Variants in ZCWPW2 observed in about 807,000 individuals in gnomAD.
ZCWPW2 encodes the protein zinc finger CW-type PWWP domain protein 2.
A neutral mutation model predicts 46.6 loss-of-function variants in ZCWPW2; 45 were observed. That is an observed-to-expected ratio of 0.96 (90% confidence interval 0.76 to 1.24). ZCWPW2 has a LOEUF of 1.24. Ranked by LOEUF, ZCWPW2 falls within the 50% of genes most tolerant of loss-of-function variation. The pLI is 0.00. For synonymous variants in ZCWPW2, 152 were observed against 137.1 expected, an observed-to-expected ratio of 1.11 and a Z score of -0.76; for missense variants, 429 against 403.9, an observed-to-expected ratio of 1.06 and a Z score of -0.53.
chr3:28,409,492 A>G (rs1028588280), intron 2 of ZCWPW2, among the ~76,000 whole-genome samples: 1 of 152,150 alleles, frequency 6.6e-6, no homozygotes, highest in Non-Finnish European at 1.5e-5. Context: ...TGGAAAACAT[A>G]TGGAAAAATC....
In ZCWPW2 at chr3:28,381,006, A is replaced by ATATG. The variant is rs1396795067; in HGVS notation, c.-133-9489_-133-9488insGTAT. 5.4e-5 allele frequency among the ~76,000 whole-genome samples: 2 copies of ATATG among 36,996 alleles called. 1 individual carries two copies. The highest frequency in any genetic ancestry group is 2.4e-4 in the African/African-American group (2 of 8,434). The allele number at this position is 36,996 out of a possible 152,430, so 24.3% of individuals were successfully genotyped here. On this transcript the variant is annotated intron_variant, in intron 1 of 9. Transcript: ENST00000383768. ...ATATATATATATATATTTGGTATATATATATATATATATATTTGGTATATA... is the reference window on the plus strand; with the variant it reads ...ATATATATATATATATTTGGTATATATATGTATATATATATATATTTGGTATATA...
At chr3:28,497,870 G>C (rs1308868273) in intron 6 of ZCWPW2, among the ~76,000 whole-genome samples, 1 of 152,018 alleles carries the variant, frequency 6.6e-6, no homozygotes, top group Non-Finnish European at 1.5e-5. Flanking sequence ...GCACCTGCCT[G>C]ATCACCTCTG....
At chr3:28,400,470 C>T (rs1332692352) in intron 2 of ZCWPW2, among the ~76,000 whole-genome samples, 2 of 152,112 alleles carry the variant, frequency 1.3e-5, no homozygotes, top group African/African-American at 2.4e-5. Flanking sequence ...AAAAGATCAT[C>T]GCCTAGGCAC....
intron 3 of ZCWPW2, among the ~76,000 whole-genome samples, chr3:28,426,210 A>C (rs137974111): frequency 7.2e-5 from 11 of 152,100 alleles, no homozygotes; most frequent in Admixed American, 2.6e-4. Flanking sequence ...ATGTACCAGA[A>C]AGATAAAACT....
intron 2 of ZCWPW2, among the ~76,000 whole-genome samples, chr3:28,402,103 A>AC (rs946423825): frequency 1.6e-4 from 25 of 152,090 alleles, no homozygotes; most frequent in South Asian, 1.0e-3. Flanking sequence ...AAACAAACAA[A>AC]CAAAAAAATA....
At chr3:28,362,953 C>A (rs1704997420) in intron 1 of ZCWPW2, among the ~76,000 whole-genome samples, 1 of 151,394 alleles carries the variant, frequency 6.6e-6, no homozygotes, top group Non-Finnish European at 1.5e-5. Flanking sequence ...TAGCAACTAA[C>A]ACAGGAACAG....
At chr3:28,479,872 A>G (rs1196027641) in intron 5 of ZCWPW2, among the ~76,000 whole-genome samples, 3 of 152,166 alleles carry the variant, frequency 2.0e-5, no homozygotes, top group Non-Finnish European at 2.9e-5. Flanking sequence ...CTATGGCTGC[A>G]TAGTATTCCA....
intron 5 of ZCWPW2, among the ~76,000 whole-genome samples, chr3:28,489,822 G>A (rs1037824081): frequency 3.9e-5 from 6 of 151,952 alleles, no homozygotes; most frequent in Non-Finnish European, 7.4e-5. Context: ...CAATATTCTA[G>A]TGAGGTAATC....
At chr3:28,447,821 CT>C in intron 4 of ZCWPW2, 1 of 1,002,442 alleles carries the variant, frequency 1.0e-6, no homozygotes, top group Non-Finnish European at 1.5e-6. Context: ...AATTGTTTAC[CT>C]TTATACAAAG....
chr3:28,456,073 T>A (rs1477170389), intron 4 of ZCWPW2, among the ~76,000 whole-genome samples: 1 of 152,174 alleles, frequency 6.6e-6, no homozygotes, highest in African/African-American at 2.4e-5. Context: ...CTTACTTTGG[T>A]CAGTATGGCC....
intron 6 of ZCWPW2, among the ~76,000 whole-genome samples, chr3:28,498,337 A>G (rs1388826496): frequency 6.6e-6 from 1 of 151,788 alleles, no homozygotes; most frequent in Non-Finnish European, 1.5e-5. Flanking sequence ...TCTGTCTGCA[A>G]GAGCTAGTTC....
chr3:28,383,223 G>A (rs996117148), intron 1 of ZCWPW2, among the ~76,000 whole-genome samples: 1 of 152,034 alleles, frequency 6.6e-6, no homozygotes, highest in Admixed American at 6.6e-5. Flanking sequence ...TGGGAAAATG[G>A]CAAATGTTTA....
At chr3:28,438,498 A>C (rs1395127857) in intron 4 of ZCWPW2, among the ~76,000 whole-genome samples, 1 of 152,242 alleles carries the variant, frequency 6.6e-6, no homozygotes, top group Non-Finnish European at 1.5e-5. Flanking sequence ...CTTGGCACAA[A>C]GATAGCCGAC....
chr3:28,433,259 TCTTTTTTTC>T (rs1697344344), intron 3 of ZCWPW2, among the ~76,000 whole-genome samples: 1 of 152,202 alleles, frequency 6.6e-6, no homozygotes, highest in South Asian at 2.1e-4. Flanking sequence ...TAAGTCCTTT[TCTTTTTTTC>T]CTTTCTTGAG....
At chr3:28,395,558 A>G (rs1352742598) in intron 2 of ZCWPW2, among the ~76,000 whole-genome samples, 2 of 152,150 alleles carry the variant, frequency 1.3e-5, no homozygotes, top group Non-Finnish European at 1.5e-5. Context: ...TTTACATACA[A>G]TGGAATATTA....
intron 1 of ZCWPW2, among the ~76,000 whole-genome samples, chr3:28,371,418 G>T (rs577523123): frequency 1.3e-5 from 2 of 152,150 alleles, no homozygotes; most frequent in African/African-American, 2.4e-5. Context: ...GAAATCAAGT[G>T]TAGGGGGATT....
At chr3:28,381,206 A>T (rs1264155821) in intron 1 of ZCWPW2, among the ~76,000 whole-genome samples, 6 of 150,922 alleles carry the variant, frequency 4.0e-5, no homozygotes, top group Non-Finnish European at 2.9e-5. Context: ...CAAAGTTCCA[A>T]ACTATGCAGG....
intron 1 of ZCWPW2, among the ~76,000 whole-genome samples, chr3:28,380,953 T>TG (rs1695038172): frequency 2.2e-5 from 1 of 46,306 alleles, no homozygotes; most frequent in African/African-American, 1.1e-4. Flanking sequence ...TATATATATA[T>TG]ATATATATAT....
intron 8 of ZCWPW2, among the ~76,000 whole-genome samples, chr3:28,520,044 G>A (rs1457503795): frequency 1.4e-5 from 2 of 138,496 alleles, no homozygotes; most frequent in South Asian, 2.2e-4. Context: ...TTCCTCTGTC[G>A]CCCAAGCTGG....
Sources: gnomAD v4.1 joint callset for allele counts (sites outside exome capture counted in the v4.1 genomes callset) on GRCh38, gnomAD v4.1.1 for gene constraint, MANE v1.5 for transcripts, NCBI Gene and HGNC (gene_info 2026-07-23, HGNC 2026-07-21) for gene names.